Variants in PCDH9 observed in about 807,000 individuals in gnomAD.
PCDH9 encodes the protein protocadherin 9.
In PCDH9, 24 loss-of-function variants were observed where a neutral mutation model predicts 70.6. The ratio of observed to expected loss-of-function variants is 0.34; its 90% CI spans 0.25 to 0.48. The LOEUF (loss-of-function observed/expected upper bound fraction) is 0.48, where lower values mean the gene tolerates loss of function less well. PCDH9 is among the 20% of genes least tolerant of loss of function. The pLI, the probability that PCDH9 is intolerant of heterozygous loss-of-function variation, is 0.99. For missense variants in PCDH9, 1,281 were observed against 1,503.6 expected, an observed-to-expected ratio of 0.85 and a Z score of 2.45; for synonymous variants, 562 against 558.5, an observed-to-expected ratio of 1.01 and a Z score of -0.09.
chr13:66,365,975 T>C (rs1021588991), intron 4 of PCDH9, among the ~76,000 whole-genome samples: 6 of 152,060 alleles, frequency 3.9e-5, no homozygotes, highest in Non-Finnish European at 5.9e-5. Flanking sequence ...TAATGGGAGA[T>C]TAGCATAAAA....
At chr13:66,632,232 T>A (rs2077581342) in intron 3 of PCDH9, among the ~76,000 whole-genome samples, 1 of 152,198 alleles carries the variant, frequency 6.6e-6, no homozygotes, top group African/African-American at 2.4e-5. Flanking sequence ...CCCATGTAAG[T>A]GTCCCTAAAG....
intron 2 of PCDH9, among the ~76,000 whole-genome samples, chr13:67,143,354 A>T (rs76603698): frequency 0.01 from 1,570 of 152,272 alleles, 29 homozygotes; most frequent in African/African-American, 0.034. Context: ...CCTTGTAGTT[A>T]AGTTTGGTGT....
chr13:66,795,878 C>T (rs916391966), intron 3 of PCDH9, among the ~76,000 whole-genome samples: 1 of 152,100 alleles, frequency 6.6e-6, no homozygotes, highest in African/African-American at 2.4e-5. Flanking sequence ...GCTTTCCCCA[C>T]TGATTTGTTT....
chr13:67,194,278 C>T (rs1312708042), intron 2 of PCDH9, among the ~76,000 whole-genome samples: 1 of 152,004 alleles, frequency 6.6e-6, no homozygotes, highest in East Asian at 1.9e-4. Flanking sequence ...TGTTGATTCA[C>T]TCATAAAATC....
intron 4 of PCDH9, among the ~76,000 whole-genome samples, chr13:66,404,163 C>G (rs988751068): frequency 6.6e-6 from 1 of 152,066 alleles, no homozygotes; most frequent in African/African-American, 2.4e-5. Context: ...AATTTTATCT[C>G]TTAGAAAGTA....
intron 2 of PCDH9, among the ~76,000 whole-genome samples, chr13:67,182,110 C>G (rs1217494086): frequency 6.6e-6 from 1 of 152,174 alleles, no homozygotes; most frequent in Non-Finnish European, 1.5e-5. Flanking sequence ...TTAAACAACA[C>G]AGTGATGGGT....
Position 66,370,935 on chromosome 13 carries a change from C to T in PCDH9, c.3341-65907G>A, listed in dbSNP as rs150692239. Among the ~76,000 whole-genome samples, 280 of 152,184 alleles carry T rather than the reference C, an allele frequency of 1.8e-3. 1 individual carries two copies. The highest frequency in any genetic ancestry group is 6.5e-3 in the African/African-American group (269 of 41,536). On this transcript the variant is annotated intron_variant, in intron 4 of 4. Coordinates refer to ENST00000377865, the MANE Select transcript of PCDH9 (RefSeq NM_203487.3). ...TAAGAATTAAAGTCATGTTATTCAA[C>T]TATATTTTTTAAACATCTCATCATG...
At chr13:66,946,948 G>A (rs746959273) in intron 2 of PCDH9, among the ~76,000 whole-genome samples, 1 of 152,018 alleles carries the variant, frequency 6.6e-6, no homozygotes, top group Non-Finnish European at 1.5e-5. Context: ...TAACAAAAAT[G>A]GGCTCCTTAA....
chr13:66,573,802 T>C (rs1186823128), intron 4 of PCDH9, among the ~76,000 whole-genome samples: 1 of 152,148 alleles, frequency 6.6e-6, no homozygotes, highest in Non-Finnish European at 1.5e-5. Context: ...TGCAATGCAA[T>C]TATCAGTCAA....
intron 3 of PCDH9, among the ~76,000 whole-genome samples, chr13:66,762,805 GT>G (rs1415994466): frequency 6.6e-6 from 1 of 151,856 alleles, no homozygotes; most frequent in African/African-American, 2.4e-5. Flanking sequence ...ACTATACCAG[GT>G]TATTGAGTCA....
chr13:67,043,996 A>G (rs1441858383), intron 2 of PCDH9, among the ~76,000 whole-genome samples: 1 of 152,132 alleles, frequency 6.6e-6, no homozygotes, highest in Non-Finnish European at 1.5e-5. Context: ...AAATTGGTTT[A>G]GGCCAGCCAA....
intron 4 of PCDH9, among the ~76,000 whole-genome samples, chr13:66,629,801 A>G (rs1431286386): frequency 6.6e-6 from 1 of 152,212 alleles, no homozygotes; most frequent in Non-Finnish European, 1.5e-5. Context: ...ATATTTGCCA[A>G]TGAGAAGAGA....
intron 4 of PCDH9, among the ~76,000 whole-genome samples, chr13:66,447,020 G>A (rs543428459): frequency 6.6e-6 from 1 of 152,108 alleles, no homozygotes; most frequent in African/African-American, 2.4e-5. Context: ...GTTTAGGAGT[G>A]TGACAATAGT....
At chr13:67,197,855 TG>T (rs2089111323) in intron 2 of PCDH9, among the ~76,000 whole-genome samples, 1 of 151,876 alleles carries the variant, frequency 6.6e-6, no homozygotes, top group African/African-American at 2.4e-5. Context: ...TCCTCTTAAA[TG>T]TATCAATTAA....
intron 4 of PCDH9, among the ~76,000 whole-genome samples, chr13:66,351,459 C>T (rs1257761218): frequency 6.6e-6 from 1 of 151,714 alleles, no homozygotes; most frequent in Non-Finnish European, 1.5e-5. Flanking sequence ...AAGGGAAAGA[C>T]GTTCGATTTA....
intron 2 of PCDH9, among the ~76,000 whole-genome samples, chr13:67,110,201 T>A (rs78647308): frequency 1.6e-4 from 21 of 132,098 alleles, no homozygotes; most frequent in African/African-American, 2.3e-4. Flanking sequence ...ATACAGAAAA[T>A]TTAAAAAAAA....
At chr13:66,507,549 T>C (rs1804003681) in intron 4 of PCDH9, among the ~76,000 whole-genome samples, 1 of 152,172 alleles carries the variant, frequency 6.6e-6, no homozygotes, top group African/African-American at 2.4e-5. Context: ...TGTCATGTTT[T>C]AGCATTAATC....
intron 2 of PCDH9, among the ~76,000 whole-genome samples, chr13:66,984,313 T>G (rs2083844005): frequency 6.6e-6 from 1 of 152,160 alleles, no homozygotes; most frequent in Non-Finnish European, 1.5e-5. Flanking sequence ...AAATCAGATA[T>G]TTATGTACTG....
intron 3 of PCDH9, among the ~76,000 whole-genome samples, chr13:66,814,759 C>G (rs993422387): frequency 6.6e-6 from 1 of 152,050 alleles, no homozygotes; most frequent in African/African-American, 2.4e-5. Flanking sequence ...AAAATCAACT[C>G]AAGATATATT....
Sources: gnomAD v4.1 joint callset for allele counts (sites outside exome capture counted in the v4.1 genomes callset) on GRCh38, gnomAD v4.1.1 for gene constraint, MANE v1.5 for transcripts, NCBI Gene and HGNC (gene_info 2026-07-23, HGNC 2026-07-21) for gene names.